Variants in CA4 observed in about 807,000 individuals in gnomAD.
CA4 encodes CA-IV.
CA4 carries 24 observed loss-of-function variants against 34.5 expected under a neutral mutation model. The ratio of observed to expected loss-of-function variants is 0.70; its 90% CI spans 0.50 to 0.98. CA4 has a LOEUF of 0.98. CA4 is among the 50% of genes least tolerant of loss of function. CA4 has a pLI of 0.00. For missense variants in CA4, 394 were observed against 396.7 expected, an observed-to-expected ratio of 0.99 and a Z score of 0.06; for synonymous variants, 178 against 170.6, an observed-to-expected ratio of 1.04 and a Z score of -0.34.
At chr17:60,177,457 A>T in the CA4 span, among the ~76,000 whole-genome samples, 1 of 152,232 alleles carries the variant, frequency 6.6e-6, no homozygotes, top group Non-Finnish European at 1.5e-5. Context: ...TAATTTAATA[A>T]ATTTTCTGCT....
downstream of CA4, among the ~76,000 whole-genome samples, chr17:60,174,896 C>A (rs566149342): frequency 6.6e-6 from 1 of 152,318 alleles, no homozygotes; most frequent in East Asian, 1.9e-4. Flanking sequence ...GTGAGCAATG[C>A]CACCAAGTGG....
At chr17:60,152,654 C>T (rs769211260) in intron 1 of CA4, among the ~76,000 whole-genome samples, 1 of 152,202 alleles carries the variant, frequency 6.6e-6, no homozygotes, top group Non-Finnish European at 1.5e-5. Context: ...TGCCCCCGGG[C>T]CCTCCAGTCA....
At chr17:60,153,016 G>C (rs1050904009) in intron 1 of CA4, among the ~76,000 whole-genome samples, 1 of 152,196 alleles carries the variant, frequency 6.6e-6, no homozygotes, top group Non-Finnish European at 1.5e-5. Flanking sequence ...TATCTGGAGA[G>C]CAAAGGCATT....
chr17:60,156,793 A>G, intron 3 of CA4, 78 bp downstream of exon 3: 1 of 1,338,852 alleles, frequency 7.5e-7, no homozygotes, highest in South Asian at 1.2e-5. Context: ...TCCTCCCAGG[A>G]GGGTGTGCCA....
intron 1 of CA4, among the ~76,000 whole-genome samples, chr17:60,154,466 T>C (rs2083645194): frequency 6.6e-6 from 1 of 152,154 alleles, no homozygotes; most frequent in Non-Finnish European, 1.5e-5. Flanking sequence ...CTGGATGAGA[T>C]GTTGTGTTCG....
chr17:60,168,439 C>G (rs1476488743), intron 5 of CA4, among the ~76,000 whole-genome samples: 2 of 20,228 alleles, frequency 9.9e-5, no homozygotes, highest in African/African-American at 3.4e-4. Context: ...TTGTGGGGGG[C>G]AGGTGGGGAA....
rs868810222 is a variant in CA4, at chr17:60,157,491, C to T, written c.333C>T (p.Ala111=). The T allele has an allele frequency of 1.2e-6, 2 of 1,614,188 alleles. No individual in the cohort carries two copies. The highest frequency in any genetic ancestry group is 3.3e-5 in the Admixed American group (2 of 60,026). ...GAGGACTGCCTGCCCCATACCAGGC[C>T]AAACAGTTGCACCTGCACTGGTCCG... ...SGGGLPAPYQ[A]KQLHLHWSDL... is the part of the protein sequence containing the mutation. Residue 111 remains alanine (A), a synonymous_variant, in exon 4 of 8, where the codon GCC becomes GCT. Transcript: ENST00000300900.
rs150743300 is a variant in CA4 at position 60,157,737 on chromosome 17, A to G, written c.462A>G (p.Lys154=). The G allele has an allele frequency of 3.7e-6, 6 of 1,614,082 alleles. No individual in the cohort carries two copies. In the African/African-American group the frequency reaches 5.3e-5, roughly 14 times the overall value. The part of the protein sequence containing the change: ...EKEKGTSRNV[K]EAQDPEDEIA... ...AGAAGGGGACATCGAGGAATGTGAA[A>G]GAGGCCCAGGACCCTGAAGACGAAA... Residue 154 remains lysine (K), a synonymous_variant, in exon 5 of 8, where the codon AAA becomes AAG. Coordinates refer to ENST00000300900, the MANE Select transcript of CA4 (RefSeq NM_000717.5).
At chr17:60,171,866 G>T (rs1231566833), downstream of CA4, among the ~76,000 whole-genome samples, 1 of 152,184 alleles carries the variant, frequency 6.6e-6, no homozygotes, top group Non-Finnish European at 1.5e-5. Context: ...ATTCACAGGG[G>T]GAACCGAGGC....
intron 4 of CA4, 28 bp downstream of exon 4, chr17:60,157,600 T>G: frequency 6.2e-7 from 1 of 1,614,180 alleles, no homozygotes; most frequent in Non-Finnish European, 8.5e-7. Flanking sequence ...ACTGGGACCT[T>G]GTCTGGGCTC....
At chr17:60,174,514 A>C (rs2083939995), downstream of CA4, among the ~76,000 whole-genome samples, 1 of 151,528 alleles carries the variant, frequency 6.6e-6, no homozygotes, top group Admixed American at 6.6e-5. Flanking sequence ...TAGAGTCCCC[A>C]TCGCTCCCCA....
downstream of CA4, among the ~76,000 whole-genome samples, chr17:60,171,700 C>A (rs1265770931): frequency 6.6e-6 from 1 of 152,206 alleles, no homozygotes; most frequent in South Asian, 2.1e-4. Context: ...ACTACACCCC[C>A]CACTGTCACT....
At chr17:60,169,778 T>C (rs173184) in intron 5 of CA4, among the ~76,000 whole-genome samples, 33,670 of 152,268 alleles carry the variant, frequency 0.22, 9,330 homozygotes, top group African/African-American at 0.65. Context: ...CGTGAGCCAC[T>C]GCCCCCGGCC....
In CA4 at chr17:60,158,401, C is replaced by A. The variant is rs764759588; in HGVS notation, c.699C>A (p.Val233=). The change falls in exon 7 of 8, where the codon GTC becomes GTA. Residue 233 remains valine, a synonymous_variant. Transcript: ENST00000300900. ...SLTTPTCDEK[V]VWTVFREPIQ... ...CCACACCGACCTGCGATGAGAAGGT[C>A]GTCTGGACTGTGTTCCGGGAGCCCA... 6.2e-7 allele frequency: 1 copy of A among 1,614,140 alleles called. No homozygotes were observed. Among genetic ancestry groups the A allele is most frequent in the Non-Finnish European group, 8.5e-7 (1 of 1,180,024 alleles).
chr17:60,177,360 T>C, the CA4 span, among the ~76,000 whole-genome samples: 1 of 150,842 alleles, frequency 6.6e-6, no homozygotes, highest in South Asian at 2.1e-4. Context: ...ATTTACACTC[T>C]ATTTATGTAC....
chr17:60,159,532 A>G lies in CA4; in HGVS notation c.*108A>G. ...CTTTAGGCATGATTAAAATATGGAC[A>G]TATTTTTGGAGAAACCTTTCTCAAG... On this transcript the variant is annotated 3_prime_UTR_variant, in exon 8 of 8. Transcript: ENST00000300900. 1.6e-6 allele frequency: 2 copies of G among 1,245,330 alleles called. No homozygotes were observed. The highest frequency in any genetic ancestry group is 2.0e-5 in the Admixed American group (1 of 50,626). 77.1% of individuals were successfully genotyped at this position (1,245,330 alleles called of 1,614,324 possible). A position where few individuals can be genotyped will look rare whatever the true frequency, so the allele number is the denominator to read the frequency against.
chr17:60,165,548 C>T (rs915690807), intron 5 of CA4, among the ~76,000 whole-genome samples: 3 of 152,154 alleles, frequency 2.0e-5, no homozygotes, highest in South Asian at 2.1e-4. Context: ...GGGGATTGAT[C>T]GGGTTGGGGA....
chr17:60,177,990 TAATA>T, the CA4 span, among the ~76,000 whole-genome samples: 10 of 152,156 alleles, frequency 6.6e-5, no homozygotes, highest in East Asian at 1.9e-3. Context: ...CTGAAATAAA[TAATA>T]TTTATACTTT....
At chr17:60,178,283 G>T in the CA4 span, among the ~76,000 whole-genome samples, 1 of 152,120 alleles carries the variant, frequency 6.6e-6, no homozygotes, top group African/African-American at 2.4e-5. Flanking sequence ...CTTTTTTAAA[G>T]TGCAAGACAA....
Sources: allele counts gnomAD v4.1 joint callset (sites outside exome capture counted in the v4.1 genomes callset), GRCh38; gene constraint gnomAD v4.1.1; transcripts MANE v1.5; gene names NCBI Gene and HGNC (gene_info 2026-07-23, HGNC 2026-07-21).